Variants in NAV2 observed in about 807,000 individuals in gnomAD.
NAV2 encodes the protein helicase, APC down-regulated 1.
NAV2 carries 54 observed loss-of-function variants against 223.2 expected under a neutral mutation model. The observed-to-expected ratio is 0.24, with a 90% CI of 0.19 to 0.30. The LOEUF is 0.30. NAV2 is among the 10% of genes least tolerant of loss of function. The probability of loss-of-function intolerance (pLI) is 1.00; values close to 1 mark genes in which losing one functional copy is unlikely to be tolerated. For missense variants in NAV2, 2,806 were observed against 3,147.5 expected (o/e 0.89, Z 2.60); for synonymous variants, 1,279 against 1,239.3 (o/e 1.03, Z -0.67).
intron 11 of NAV2, among the ~76,000 whole-genome samples, chr11:19,989,747 G>A (rs540040619): frequency 3.8e-4 from 58 of 152,214 alleles, no homozygotes; most frequent in African/African-American, 1.3e-3. Flanking sequence ...TGGTTTCATA[G>A]ATTTGAAGCA....
chr11:19,700,019 G>A (rs115520616), intron 1 of NAV2, among the ~76,000 whole-genome samples: 23 of 152,306 alleles, frequency 1.5e-4, no homozygotes, highest in African/African-American at 5.3e-4. Flanking sequence ...TAGTGTCGTA[G>A]CAATGGAAAT....
Position 19,869,004 on chromosome 11 carries a change from C to G in NAV2, c.511+7C>G, listed in dbSNP as rs747756968. ...CAGGGGCTGTCTGCAGAAGGTGAGT[C>G]AGAGCGCTTGTCACGAAGCTGCCTC... On this transcript the variant is annotated splice_region_variant and intron_variant, in intron 4 of 37. Coordinates refer to ENST00000349880, the MANE Select transcript of NAV2 (RefSeq NM_145117.5). 4.3e-6 allele frequency: 7 copies of G among 1,613,626 alleles called. No homozygotes were observed. The highest frequency in any genetic ancestry group is 1.7e-5 in the Admixed American group (1 of 60,010).
At chr11:19,566,180 C>T (rs527511156) in intron 1 of NAV2, among the ~76,000 whole-genome samples, 326 of 152,148 alleles carry the variant, frequency 2.1e-3, no homozygotes, top group Non-Finnish European at 3.7e-3. Context: ...GCAATCCTCC[C>T]ACCTTTAAGC....
At chr11:19,629,104 T>C (rs1210924225) in intron 1 of NAV2, among the ~76,000 whole-genome samples, 1 of 152,194 alleles carries the variant, frequency 6.6e-6, no homozygotes, top group African/African-American at 2.4e-5. Flanking sequence ...GGCCATTCAT[T>C]GTCTCCGTGG....
chr11:19,453,217 C>T (rs1212492283), intron 1 of NAV2, among the ~76,000 whole-genome samples: 1 of 152,274 alleles, frequency 6.6e-6, no homozygotes, highest in Non-Finnish European at 1.5e-5. Flanking sequence ...TGTAGATCCC[C>T]AGTGCTCAGC....
intron 1 of NAV2, among the ~76,000 whole-genome samples, chr11:19,461,760 T>G (rs1220495885): frequency 1.3e-5 from 2 of 152,198 alleles, no homozygotes; most frequent in African/African-American, 4.8e-5. Context: ...GAGTAGCGAG[T>G]ATCAGAGAGT....
chr11:19,381,052 T>G (rs909798524), intron 1 of NAV2, among the ~76,000 whole-genome samples: 1 of 152,166 alleles, frequency 6.6e-6, no homozygotes, highest in Non-Finnish European at 1.5e-5. Flanking sequence ...CCTATACCTG[T>G]GTTCTCTCTG....
intron 1 of NAV2, among the ~76,000 whole-genome samples, chr11:19,528,426 G>A (rs1274232606): frequency 6.6e-6 from 1 of 152,092 alleles, no homozygotes; most frequent in Non-Finnish European, 1.5e-5. Context: ...ATCCTTTACT[G>A]AAACTGCAGG....
At chr11:19,527,867 C>G (rs1035546454) in intron 1 of NAV2, among the ~76,000 whole-genome samples, 2 of 151,874 alleles carry the variant, frequency 1.3e-5, no homozygotes, top group African/African-American at 4.9e-5. Context: ...GGGAATTCTA[C>G]AGACCTCCCT....
At chr11:20,012,232 A>G (rs1052997164) in intron 11 of NAV2, among the ~76,000 whole-genome samples, 50 of 152,248 alleles carry the variant, frequency 3.3e-4, no homozygotes, top group African/African-American at 1.2e-3. Context: ...GAGAACATTT[A>G]TCTTTCTCTC....
intron 1 of NAV2, among the ~76,000 whole-genome samples, chr11:19,772,994 T>A (rs1201038753): frequency 6.6e-6 from 1 of 152,194 alleles, no homozygotes; most frequent in African/African-American, 2.4e-5. Context: ...TTATAGATCA[T>A]CAGTTTCTTA....
chr11:19,378,560 G>A (rs951950091), intron 1 of NAV2, among the ~76,000 whole-genome samples: 4 of 143,242 alleles, frequency 2.8e-5, no homozygotes, highest in African/African-American at 5.0e-5. Flanking sequence ...AGGGCCGGTC[G>A]TGATAACAGC....
intron 25 of NAV2, among the ~76,000 whole-genome samples, chr11:20,081,111 G>A (rs2060066109): frequency 6.6e-6 from 1 of 152,186 alleles, no homozygotes; most frequent in African/African-American, 2.4e-5. Flanking sequence ...TATCTTGGAT[G>A]GGTGGCGAGG....
At chr11:19,664,156 AT>A (rs1194246269) in intron 1 of NAV2, among the ~76,000 whole-genome samples, 1 of 152,248 alleles carries the variant, frequency 6.6e-6, no homozygotes, top group Non-Finnish European at 1.5e-5. Context: ...AACTTCAATT[AT>A]TAAAGAACAC....
intron 14 of NAV2, among the ~76,000 whole-genome samples, chr11:20,046,992 G>A (rs1422569736): frequency 6.6e-6 from 1 of 152,188 alleles, no homozygotes; most frequent in Non-Finnish European, 1.5e-5. Context: ...TTCAGAAGAA[G>A]CATTCCACAT....
At chr11:19,781,016 CAT>C (rs1170251023) in intron 1 of NAV2, among the ~76,000 whole-genome samples, 6 of 152,172 alleles carry the variant, frequency 3.9e-5, no homozygotes, top group African/African-American at 9.7e-5. Context: ...TAATAGCTAA[CAT>C]GTGTTGAACC....
At chr11:19,643,519 A>T (rs1319452693) in intron 1 of NAV2, among the ~76,000 whole-genome samples, 1 of 152,090 alleles carries the variant, frequency 6.6e-6, no homozygotes, top group Non-Finnish European at 1.5e-5. Flanking sequence ...GCTGCATAGT[A>T]TTCCATGGTG....
chr11:19,967,280 A>G (rs1004299219), intron 10 of NAV2, among the ~76,000 whole-genome samples: 1 of 151,712 alleles, frequency 6.6e-6, no homozygotes, highest in African/African-American at 2.4e-5. Flanking sequence ...ACAAAGCCTA[A>G]CCTTCAACTG....
intron 1 of NAV2, among the ~76,000 whole-genome samples, chr11:19,421,787 T>TTG (rs58142247): frequency 6.8e-6 from 1 of 147,116 alleles, no homozygotes; most frequent in African/African-American, 2.6e-5. Flanking sequence ...TTTTTTTTTT[T>TTG]GCCCAAGCAT....
Sources: gnomAD v4.1 joint callset for allele counts (sites outside exome capture counted in the v4.1 genomes callset) on GRCh38, gnomAD v4.1.1 for gene constraint, MANE v1.5 for transcripts, NCBI Gene and HGNC (gene_info 2026-07-23, HGNC 2026-07-21) for gene names.